The following RAB31 variants were observed in gnomAD, a reference collection of about 807,000 sequenced individuals.
RAB31 encodes the protein RAB31, member RAS oncogene family.
Under a neutral mutation model 25.6 loss-of-function variants are expected in RAB31, and 21 were observed. That is an observed-to-expected ratio of 0.82 (90% CI 0.58 to 1.18). RAB31 has a LOEUF of 1.18. Among genes scored for constraint, RAB31 ranks in the 50% most tolerant of loss-of-function variants. The probability of loss-of-function intolerance (pLI) is 0.00; values close to 1 mark genes in which losing one functional copy is unlikely to be tolerated. For missense variants in RAB31, 196 were observed against 250.1 expected, an observed-to-expected ratio of 0.78 and a Z score of 1.46; for synonymous variants, 87 against 84.0, an observed-to-expected ratio of 1.04 and a Z score of -0.20.
intron 1 of RAB31, among the ~76,000 whole-genome samples, chr18:9,737,102 C>T (rs1357438966): frequency 6.6e-6 from 1 of 152,164 alleles, no homozygotes; most frequent in African/African-American, 2.4e-5. Context: ...GCCAAGGTGA[C>T]TCAGCTTTAT....
rs1276362893 is a variant in RAB31, at chr18:9,861,609, C to T, written c.*2284C>T. On this transcript the variant is annotated 3_prime_UTR_variant, in exon 7 of 7. Coordinates refer to ENST00000578921, the MANE Select transcript of RAB31 (RefSeq NM_006868.4). The stretch of plus-strand genomic sequence containing the variant: ...CTTCCTTTGTTTTGGCTCGGGATTA[C>T]TTCCTGGCTGTCTAATAATTGAACC... 2 of 152,176 alleles carry T rather than the reference C, an allele frequency of 1.3e-5. No individual in the cohort carries two copies. Among genetic ancestry groups the T allele is most frequent in the African/African-American group, 4.8e-5 (2 of 41,444 alleles). The allele number at this position is 152,176 out of a possible 1,614,324, so 9.4% of individuals were successfully genotyped here. A position where few individuals can be genotyped will look rare whatever the true frequency, so the allele number is the denominator to read the frequency against.
chr18:9,805,973 GA>G (rs2068538425), intron 3 of RAB31, among the ~76,000 whole-genome samples: 1 of 152,028 alleles, frequency 6.6e-6, no homozygotes, highest in South Asian at 2.1e-4. Context: ...AGGAGATCGG[GA>G]CCATCCTGGC....
intron 5 of RAB31, among the ~76,000 whole-genome samples, chr18:9,842,359 C>T (rs2068738890): frequency 1.3e-5 from 2 of 152,124 alleles, no homozygotes; most frequent in South Asian, 4.1e-4. Context: ...TGGTCTAGGG[C>T]CACACGCTAT....
chr18:9,724,294 A>AC (rs2068087319), intron 1 of RAB31, among the ~76,000 whole-genome samples: 2 of 151,404 alleles, frequency 1.3e-5, no homozygotes, highest in African/African-American at 4.9e-5. Context: ...AAAACAAAAA[A>AC]AAAACATTAT....
At chr18:9,846,252 T>C (rs2068761437) in intron 6 of RAB31, among the ~76,000 whole-genome samples, 1 of 152,220 alleles carries the variant, frequency 6.6e-6, no homozygotes, top group Non-Finnish European at 1.5e-5. Flanking sequence ...GGTCCCGTTA[T>C]GCTCACTGTA....
intron 5 of RAB31, among the ~76,000 whole-genome samples, chr18:9,831,627 G>A (rs1018946770): frequency 7.9e-5 from 12 of 152,224 alleles, no homozygotes; most frequent in African/African-American, 2.9e-4. Context: ...GTGTGGGCAC[G>A]GCGCTGTGGC....
At position 9,839,781 on chromosome 18, in the gene RAB31, G is replaced by T. The variant is rs141932918; in HGVS notation, c.381-5801G>T. On this transcript the variant is annotated intron_variant, in intron 5 of 6. Coordinates refer to ENST00000578921, the MANE Select transcript of RAB31 (RefSeq NM_006868.4). ...CTGTAACCACACAGCATGAACGGCAGGTCCCTAAGATGCTCTGCAGGACAG... is the reference window on the plus strand; with the variant it reads ...CTGTAACCACACAGCATGAACGGCATGTCCCTAAGATGCTCTGCAGGACAG... Among the ~76,000 whole-genome samples the T allele has an allele frequency of 2.0e-5, 3 of 152,150 alleles. No homozygotes were observed. In the East Asian group the frequency reaches 5.8e-4, roughly 29 times the overall value.
chr18:9,836,603 G>A (rs2068705606), intron 5 of RAB31, among the ~76,000 whole-genome samples: 1 of 152,214 alleles, frequency 6.6e-6, no homozygotes, highest in Non-Finnish European at 1.5e-5. Flanking sequence ...CTGCTGGGAA[G>A]CTTGCTACAG....
At chr18:9,828,325 C>T (rs1229382352) in intron 5 of RAB31, among the ~76,000 whole-genome samples, 1 of 152,172 alleles carries the variant, frequency 6.6e-6, no homozygotes, top group East Asian at 1.9e-4. Context: ...TTCTTCTGAG[C>T]CTGTTGTGGC....
At chr18:9,733,565 C>T (rs776170662) in intron 1 of RAB31, among the ~76,000 whole-genome samples, 36 of 152,184 alleles carry the variant, frequency 2.4e-4, no homozygotes, top group Admixed American at 5.2e-4. Context: ...AATTCTCATT[C>T]GTATTCTGTG....
At chr18:9,776,658 C>A (rs2068373596) in intron 2 of RAB31, among the ~76,000 whole-genome samples, 1 of 152,122 alleles carries the variant, frequency 6.6e-6, no homozygotes, top group Non-Finnish European at 1.5e-5. Context: ...AGACAGAAGA[C>A]CCCCGAGTCA....
At chr18:9,759,451 G>A (rs753850969) in intron 1 of RAB31, among the ~76,000 whole-genome samples, 3 of 151,490 alleles carry the variant, frequency 2.0e-5, no homozygotes, top group Admixed American at 6.6e-5. Context: ...GATTATAAGC[G>A]TGAGCCACAG....
intron 1 of RAB31, among the ~76,000 whole-genome samples, chr18:9,741,244 C>T (rs1405621643): frequency 2.0e-5 from 3 of 151,702 alleles, no homozygotes; most frequent in Non-Finnish European, 4.4e-5. Flanking sequence ...GGTGTGGTGG[C>T]GGGCACCTAT....
chr18:9,806,440 G>C (rs2068541795), intron 3 of RAB31, among the ~76,000 whole-genome samples: 1 of 152,110 alleles, frequency 6.6e-6, no homozygotes, highest in South Asian at 2.1e-4. Context: ...TGAGGATGCT[G>C]GTGGAGGAGG....
intron 5 of RAB31, among the ~76,000 whole-genome samples, chr18:9,817,706 C>A (rs892648962): frequency 1.3e-5 from 2 of 152,188 alleles, no homozygotes; most frequent in African/African-American, 4.8e-5. Flanking sequence ...CTACCAGCAC[C>A]CAAAGATGTG....
intron 1 of RAB31, chr18:9,774,805 G>A (rs1009849287): frequency 3.9e-6 from 2 of 512,790 alleles, no homozygotes; most frequent in African/African-American, 3.9e-5. Context: ...AGATTCTACA[G>A]AGAAAATGCT....
At chr18:9,714,535 G>A (rs767374812) in intron 1 of RAB31, among the ~76,000 whole-genome samples, 11 of 152,194 alleles carry the variant, frequency 7.2e-5, no homozygotes, top group Non-Finnish European at 1.2e-4. Context: ...GTGCTAGAAC[G>A]CAAAAGCTTT....
At chr18:9,853,934 G>A (rs1363059635) in intron 6 of RAB31, among the ~76,000 whole-genome samples, 4 of 147,996 alleles carry the variant, frequency 2.7e-5, no homozygotes, top group African/African-American at 7.4e-5. Context: ...TTTTTTTTAA[G>A]GTTTTCTTTT....
chr18:9,816,601 A>G (rs1196621175), intron 5 of RAB31, among the ~76,000 whole-genome samples: 2 of 152,248 alleles, frequency 1.3e-5, no homozygotes, highest in East Asian at 1.9e-4. Flanking sequence ...GACACATTGT[A>G]TGTGAGTACC....
Sources: allele counts gnomAD v4.1 joint callset (sites outside exome capture counted in the v4.1 genomes callset), GRCh38; gene constraint gnomAD v4.1.1; transcripts MANE v1.5; gene names NCBI Gene and HGNC (gene_info 2026-07-23, HGNC 2026-07-21).